XCR1: variants seen among roughly 807,000 people sequenced by gnomAD.
The protein encoded by XCR1 is X-C motif chemokine receptor 1.
For missense variants in XCR1, 356 were observed against 424.2 expected (o/e 0.84, Z 1.41); for synonymous variants, 187 against 188.5 (o/e 0.99, Z 0.06).
At chr3:46,062,325 A>T (rs959987010) in intron 4 of XCR1, among the ~76,000 whole-genome samples, 3 of 152,134 alleles carry the variant, frequency 2.0e-5, no homozygotes, top group African/African-American at 7.2e-5. Flanking sequence ...TCCACCATGA[A>T]CACTGAGGCC....
At chr3:46,084,472 C>T (rs1420865427) in intron 1 of XCR1, among the ~76,000 whole-genome samples, 1 of 152,218 alleles carries the variant, frequency 6.6e-6, no homozygotes, top group African/African-American at 2.4e-5. Context: ...TCTAGACTAA[C>T]TGATGCCAAG....
chr3:46,043,311 A>G (rs1487333889), intron 5 of XCR1, among the ~76,000 whole-genome samples: 1 of 151,792 alleles, frequency 6.6e-6, no homozygotes, highest in African/African-American at 2.4e-5. Context: ...ACGGTGGTCT[A>G]TATCCTATAA....
intron 5 of XCR1, among the ~76,000 whole-genome samples, chr3:46,034,376 A>G (rs1025939022): frequency 3.9e-5 from 6 of 151,960 alleles, no homozygotes; most frequent in Non-Finnish European, 7.4e-5. Flanking sequence ...TTGAGATTTT[A>G]TACTGTGAGA....
intron 3 of XCR1, among the ~76,000 whole-genome samples, chr3:46,070,657 G>A (rs545083631): frequency 1.3e-5 from 2 of 151,802 alleles, no homozygotes; most frequent in African/African-American, 4.8e-5. Flanking sequence ...GTATATATGT[G>A]TCTACCAAAA....
upstream of XCR1, among the ~76,000 whole-genome samples, chr3:46,032,194 G>A (rs1708408945): frequency 6.6e-6 from 1 of 152,236 alleles, no homozygotes; most frequent in African/African-American, 2.4e-5. Context: ...TGGGCGAAGA[G>A]GAGAGAAAAG....
intron 5 of XCR1, among the ~76,000 whole-genome samples, chr3:46,046,706 T>G (rs575108191): frequency 2.9e-4 from 44 of 152,296 alleles, no homozygotes; most frequent in Non-Finnish European, 5.0e-4. Flanking sequence ...CAAAAAAACA[T>G]TATTCCAAGA....
intron 1 of XCR1, among the ~76,000 whole-genome samples, chr3:46,080,365 A>G (rs72889757): frequency 0.03 from 4,519 of 152,302 alleles, 230 homozygotes; most frequent in African/African-American, 0.1. Flanking sequence ...TACATCAGAC[A>G]ATAGATACCT....
At chr3:46,047,848 C>T (rs551986094) in intron 5 of XCR1, among the ~76,000 whole-genome samples, 3 of 152,258 alleles carry the variant, frequency 2.0e-5, no homozygotes, top group East Asian at 1.9e-4. Flanking sequence ...CCTTTAGGTC[C>T]GCAATGTCTC....
chr3:46,045,247 C>T (rs1003384335), intron 5 of XCR1, among the ~76,000 whole-genome samples: 2 of 151,896 alleles, frequency 1.3e-5, no homozygotes, highest in Admixed American at 6.6e-5. Context: ...GGTGAAACCT[C>T]GTCTCTACCA....
At chr3:46,084,810 T>A (rs1698442515) in intron 1 of XCR1, among the ~76,000 whole-genome samples, 1 of 151,522 alleles carries the variant, frequency 6.6e-6, no homozygotes, top group Non-Finnish European at 1.5e-5. Context: ...AAGAAAGGAG[T>A]GGGGTAAGAA....
rs138967191 is a variant in XCR1 at position 46,076,744 on chromosome 3, T to A, written c.-332A>T. Among the ~76,000 whole-genome samples the A allele has an allele frequency of 5.1e-3, 784 of 152,248 alleles. 10 individuals are homozygous for A. Among genetic ancestry groups the A allele is most frequent in the African/African-American group, 0.018 (748 of 41,538 alleles). ...CCTCAATGGTCCCAAACTGACCTTA[T>A]CAGGTTGGCCTTCTTGATAGTTTCA... On this transcript the variant is annotated 5_prime_UTR_variant, in exon 2 of 6. Coordinates refer to the XCR1 transcript ENST00000683768.
chr3:46,049,292 G>A lies in XCR1; in HGVS notation c.-32+4628C>T, dbSNP rs558047212. On this transcript the variant is annotated intron_variant, in intron 5 of 5. Transcript: ENST00000683768. ...TTTGTGTTATAGCCCTAATATGCCT[G>A]TGAGATAAATGGAACATGTGAGTAA... Among the ~76,000 whole-genome samples, 4 of 152,302 alleles carry A rather than the reference G, an allele frequency of 2.6e-5. No homozygotes were observed. The South Asian group carries it at 6.2e-4, about 24-fold the overall frequency.
At chr3:46,069,935 A>G (rs1403527903) in intron 3 of XCR1, among the ~76,000 whole-genome samples, 2 of 151,132 alleles carry the variant, frequency 1.3e-5, no homozygotes, top group Non-Finnish European at 2.9e-5. Context: ...TAGAAGTTTA[A>G]TGCTATAAAC....
intron 4 of XCR1, among the ~76,000 whole-genome samples, chr3:46,062,449 C>T (rs527589733): frequency 3.0e-4 from 46 of 152,342 alleles, no homozygotes; most frequent in African/African-American, 1.1e-3. Flanking sequence ...CCTGGGTCTC[C>T]CCATTGGCCT....
At chr3:46,052,803 T>G (rs769382513) in intron 5 of XCR1, among the ~76,000 whole-genome samples, 7 of 152,222 alleles carry the variant, frequency 4.6e-5, no homozygotes, top group Non-Finnish European at 1.0e-4. Flanking sequence ...GTATGAGGAA[T>G]CTGACGCTTC....
chr3:46,081,217 C>T (rs945729630), intron 1 of XCR1, among the ~76,000 whole-genome samples: 1 of 152,172 alleles, frequency 6.6e-6, no homozygotes. Flanking sequence ...ACCCCCAATC[C>T]TCTGGACTGG....
At chr3:46,039,855 G>A (rs1416143882) in intron 5 of XCR1, among the ~76,000 whole-genome samples, 1 of 152,162 alleles carries the variant, frequency 6.6e-6, no homozygotes, top group Non-Finnish European at 1.5e-5. Context: ...ACTTACGCAA[G>A]GCCAGTGTCT....
intron 5 of XCR1, among the ~76,000 whole-genome samples, chr3:46,044,385 A>T (rs1697588202): frequency 6.6e-6 from 1 of 152,126 alleles, no homozygotes; most frequent in African/African-American, 2.4e-5. Flanking sequence ...ATTTGGAGAA[A>T]AGTCTATACA....
At chr3:46,027,365 C>T (rs1209222092) in intron 1 of XCR1, 52 bp downstream of exon 1, 2 of 152,142 alleles carry the variant, frequency 1.3e-5, no homozygotes, top group African/African-American at 2.4e-5. Context: ...CTGATATAGG[C>T]TGTTACAATT....
Sources: allele counts gnomAD v4.1 joint callset (sites outside exome capture counted in the v4.1 genomes callset), GRCh38; gene constraint gnomAD v4.1.1; transcripts MANE v1.5; gene names NCBI Gene and HGNC (gene_info 2026-07-23, HGNC 2026-07-21).